TACC2: variants seen among roughly 807,000 people sequenced by gnomAD.
TACC2 encodes transforming acidic coiled-coil containing protein 2.
TACC2 carries 137 observed loss-of-function variants against 227.3 expected under a neutral mutation model. That is an observed-to-expected ratio of 0.60 (90% CI 0.52 to 0.69). The LOEUF (loss-of-function observed/expected upper bound fraction) is 0.69. TACC2 is among the 30% of genes least tolerant of loss of function. TACC2 has a pLI of 0.00. For synonymous variants in TACC2, 1,523 were observed against 1,487.5 expected (o/e 1.02, Z -0.55); for missense variants, 3,470 against 3,694.4 (o/e 0.94, Z 1.57).
intron 17 of TACC2, 127 bp downstream of exon 17, chr10:122,237,665 C>G: frequency 8.3e-7 from 1 of 1,208,122 alleles, no homozygotes; most frequent in Non-Finnish European, 1.1e-6. Context: ...AGATGTGTGG[C>G]ACACCATGCG....
At chr10:122,121,351 A>G (rs2085754477) in intron 5 of TACC2, among the ~76,000 whole-genome samples, 1 of 152,184 alleles carries the variant, frequency 6.6e-6, no homozygotes, top group Non-Finnish European at 1.5e-5. Flanking sequence ...CTCCCTCTCC[A>G]GGAAGGACTG....
At chr10:122,125,318 C>A (rs1167929004) in intron 5 of TACC2, among the ~76,000 whole-genome samples, 2 of 152,132 alleles carry the variant, frequency 1.3e-5, no homozygotes, top group Non-Finnish European at 2.9e-5. Flanking sequence ...ACCTCAGCCT[C>A]CCAAGTAGCT....
chr10:122,085,319 A>C lies in TACC2; in HGVS notation c.2819A>C (p.Lys940Thr). 6.2e-7 allele frequency: 1 copy of C among 1,614,032 alleles called. No homozygotes were observed. Among genetic ancestry groups the C allele is most frequent in the Non-Finnish European group, 8.5e-7 (1 of 1,180,032 alleles). The change falls in exon 4 of 23, where the codon AAG becomes ACG. Residue 940 changes from lysine to threonine, a missense_variant. Physicochemically the swap from Lys to Thr is moderately conservative, Grantham distance 78. Transcript: ENST00000369005. ...GAATTGTCAGCACCAACGAGACAGAAGTTGCCTGCACTAGGGGAGAAGCGG... is the reference window on the plus strand; with the variant it reads ...GAATTGTCAGCACCAACGAGACAGACGTTGCCTGCACTAGGGGAGAAGCGG... ...ESELSAPTRQ[K>T]LPALGEKRPE...
At position 122,249,669 on chromosome 10, in the gene TACC2, TA is replaced by T. The variant is rs765864987; in HGVS notation, c.8781+6del. The stretch of plus-strand genomic sequence containing the variant: ...GAAAGGACGCTGGAGCAGAAGGTAA[TA>T]GGGGAGGGGTGTGGCCTCCAGGTGG... On this transcript the variant is annotated splice_donor_region_variant and intron_variant, in intron 22 of 22. Coordinates refer to ENST00000369005, the MANE Select transcript of TACC2 (RefSeq NM_206862.4). 13 of 1,611,274 alleles carry T rather than the reference TA, an allele frequency of 8.1e-6. No homozygotes were observed. The highest frequency in any genetic ancestry group is 4.5e-5 in the East Asian group (2 of 44,786).
At chr10:122,227,411 T>C (rs950686943) in intron 13 of TACC2, among the ~76,000 whole-genome samples, 1 of 152,186 alleles carries the variant, frequency 6.6e-6, no homozygotes, top group Admixed American at 6.5e-5. Context: ...AGAACAATGA[T>C]GATGGTGGTT....
intron 5 of TACC2, among the ~76,000 whole-genome samples, chr10:122,094,585 T>A (rs2081179913): frequency 6.6e-6 from 1 of 152,140 alleles, no homozygotes; most frequent in Admixed American, 6.6e-5. Context: ...CCCGACCCTC[T>A]AAATCCCTTT....
chr10:122,120,038 G>T (rs1158368427), intron 5 of TACC2, among the ~76,000 whole-genome samples: 1 of 152,166 alleles, frequency 6.6e-6, no homozygotes, highest in Non-Finnish European at 1.5e-5. Flanking sequence ...CGGTCCTTGG[G>T]CTCATTAATC....
intron 1 of TACC2, among the ~76,000 whole-genome samples, chr10:121,994,331 G>A (rs1473166966): frequency 2.0e-5 from 3 of 152,172 alleles, no homozygotes; most frequent in African/African-American, 7.2e-5. Flanking sequence ...GCTTGTCCCA[G>A]CCAAAATATA....
At chr10:122,117,485 G>A (rs754392219) in intron 5 of TACC2, among the ~76,000 whole-genome samples, 2 of 152,092 alleles carry the variant, frequency 1.3e-5, no homozygotes, top group Non-Finnish European at 2.9e-5. Flanking sequence ...GTGAGCCACC[G>A]CACCCAGCTG....
chr10:122,253,616 C>T (rs556017516), intron 22 of TACC2, among the ~76,000 whole-genome samples: 16 of 152,326 alleles, frequency 1.1e-4, no homozygotes, highest in East Asian at 3.9e-4. Flanking sequence ...TTACCCCAGA[C>T]GCTCCTCACC....
chr10:121,996,568 A>G (rs535241101), intron 1 of TACC2, among the ~76,000 whole-genome samples: 42 of 152,322 alleles, frequency 2.8e-4, no homozygotes, highest in Middle Eastern at 3.4e-3. Flanking sequence ...GGAATGAAAC[A>G]GAGGGAAAAA....
At chr10:122,055,137 T>C (rs1018564821) in intron 3 of TACC2, among the ~76,000 whole-genome samples, 6 of 152,036 alleles carry the variant, frequency 3.9e-5, no homozygotes, top group Non-Finnish European at 7.4e-5. Context: ...GGAGAATTGC[T>C]TGAACCCAGG....
At chr10:122,010,733 C>T (rs1038146586) in intron 1 of TACC2, among the ~76,000 whole-genome samples, 10 of 152,194 alleles carry the variant, frequency 6.6e-5, no homozygotes, top group Non-Finnish European at 7.3e-5. Flanking sequence ...CTGCCAGCCA[C>T]AATTGGGTGC....
chr10:122,231,045 A>C (rs1386107935), intron 16 of TACC2, among the ~76,000 whole-genome samples: 1 of 151,762 alleles, frequency 6.6e-6, no homozygotes, highest in Non-Finnish European at 1.5e-5. Context: ...TAAAACTTTT[A>C]TTTGTCTGTT....
chr10:122,008,859 C>T (rs1211868629), intron 1 of TACC2, among the ~76,000 whole-genome samples: 1 of 152,246 alleles, frequency 6.6e-6, no homozygotes, highest in African/African-American at 2.4e-5. Flanking sequence ...AGGCATGAGC[C>T]ACCATGCCCA....
chr10:122,249,437 G>A, intron 21 of TACC2, 107 bp from the exon 22 acceptor site: 2 of 1,462,778 alleles, frequency 1.4e-6, no homozygotes, highest in Non-Finnish European at 9.3e-7. Flanking sequence ...CCAGTTGGTG[G>A]CAGCTGGGGC....
chr10:122,130,204 C>A (rs1011144149), intron 5 of TACC2, among the ~76,000 whole-genome samples: 3 of 152,138 alleles, frequency 2.0e-5, no homozygotes, highest in Admixed American at 1.3e-4. Flanking sequence ...CCATGTTGGC[C>A]AGGCTGGTCT....
intron 7 of TACC2, among the ~76,000 whole-genome samples, chr10:122,188,787 G>A (rs1261072784): frequency 1.3e-5 from 2 of 152,190 alleles, no homozygotes; most frequent in Non-Finnish European, 2.9e-5. Flanking sequence ...ACATAGCCAC[G>A]AAGTGATAGC....
chr10:122,064,770 G>A (rs982450506), intron 3 of TACC2, among the ~76,000 whole-genome samples: 1 of 152,118 alleles, frequency 6.6e-6, no homozygotes, highest in Non-Finnish European at 1.5e-5. Context: ...ACATTCTTGG[G>A]AATCACTCTC....
Sources: allele counts gnomAD v4.1 joint callset (sites outside exome capture counted in the v4.1 genomes callset), GRCh38; gene constraint gnomAD v4.1.1; transcripts MANE v1.5; gene names NCBI Gene and HGNC (gene_info 2026-07-23, HGNC 2026-07-21).